The following FNDC7 variants were observed in gnomAD, a reference collection of about 807,000 sequenced individuals.
FNDC7 encodes fibronectin type III domain-containing protein 7.
FNDC7 carries 66 observed loss-of-function variants against 74.2 expected under a neutral mutation model. The ratio of observed to expected loss-of-function variants is 0.89; its 90% CI spans 0.73 to 1.09. The LOEUF is 1.09. Ranked by LOEUF, FNDC7 falls within the 50% of genes least tolerant of loss-of-function variation. FNDC7 has a pLI of 0.00. For missense variants in FNDC7, 829 were observed against 893.4 expected (o/e 0.93, Z 0.92); for synonymous variants, 307 against 330.2 (o/e 0.93, Z 0.76).
intron 11 of FNDC7, 47 bp from the exon 12 acceptor site, chr1:108,741,726 G>A (rs1287601075): frequency 6.3e-7 from 1 of 1,588,272 alleles, no homozygotes. Context: ...GAAAATGTCT[G>A]CATATTGAAT....
At chr1:108,732,432 C>CATTTAT (rs1661409058) in intron 9 of FNDC7, among the ~76,000 whole-genome samples, 1 of 151,970 alleles carries the variant, frequency 6.6e-6, no homozygotes, top group Admixed American at 6.6e-5. Flanking sequence ...TAAATGGCTG[C>CATTTAT]ACCTAAAGTG....
rs535280682 is a variant in FNDC7, at chr1:108,714,484, T to C, written c.82+955T>C. On this transcript the variant is annotated intron_variant, in intron 2 of 12. Coordinates refer to ENST00000370017, the MANE Select transcript of FNDC7 (RefSeq NM_001144937.3). ...TGAGCCCAGGATTTCAAGACCAGCC[T>C]GGGCAACATAGCAACACCCCACCTC... Among the ~76,000 whole-genome samples the C allele has an allele frequency of 3.2e-4, 48 of 152,190 alleles. 1 individual carries two copies. The highest frequency in any genetic ancestry group is 4.0e-4 in the Non-Finnish European group (27 of 68,034).
chr1:108,719,190 T>G, intron 4 of FNDC7, 141 bp downstream of exon 4: 1 of 927,968 alleles, frequency 1.1e-6, no homozygotes, highest in Non-Finnish European at 1.6e-6. Context: ...ATAAAGTTAT[T>G]TATAGTGCCT....
rs1661031678 is a variant in FNDC7 at position 108,718,841 on chromosome 1, T to C, written c.390T>C (p.Leu130=). The change falls in exon 4 of 13, where the codon CTT becomes CTC. Residue 130 remains leucine, a synonymous_variant. Coordinates refer to ENST00000370017, the MANE Select transcript of FNDC7 (RefSeq NM_001144937.3). Reference sequence around the variant, plus strand: ...GCTCTCCAAGTTCAGACTCCATTCTTGTGCAGTGGGAAGCTGTATATATGG... The same window carrying C: ...GCTCTCCAAGTTCAGACTCCATTCTCGTGCAGTGGGAAGCTGTATATATGG... ...EVSSPSSDSI[L]VQWEAVYMAI... The C allele has an allele frequency of 2.6e-6, 4 of 1,551,932 alleles. No individual in the cohort carries two copies. In the East Asian group the frequency reaches 7.3e-5, roughly 28 times the overall value.
chr1:108,730,511 C>T (rs1661318629), intron 8 of FNDC7, among the ~76,000 whole-genome samples, 163 bp from the exon 9 acceptor site: 1 of 151,910 alleles, frequency 6.6e-6, no homozygotes, highest in South Asian at 2.1e-4. Context: ...TTACATGACG[C>T]ATCAGAGGGA....
At position 108,728,706 on chromosome 1, in the gene FNDC7, A is replaced by G; in HGVS notation, c.1444A>G (p.Asn482Asp). 1 of 1,614,274 alleles carries G rather than the reference A, an allele frequency of 6.2e-7. No individual in the cohort carries two copies. The highest frequency in any genetic ancestry group is 8.5e-7 in the Non-Finnish European group (1 of 1,180,052). The change falls in exon 8 of 13, where the codon AAT becomes GAT. Residue 482 changes from asparagine to aspartate, a missense_variant. Transcript: ENST00000370017. ...GATTAATGTGCACTGGCGATCCACT[A>G]ATGATGATGCTACTTACACGGTGAC... ...SMINVHWRST[N>D]DDATYTVTAQ...
intron 11 of FNDC7, among the ~76,000 whole-genome samples, chr1:108,740,864 CAT>C (rs1661627855): frequency 6.6e-6 from 1 of 152,212 alleles, no homozygotes; most frequent in Admixed American, 6.5e-5. Flanking sequence ...AGTTTAAGCT[CAT>C]ATCACATTCT....
chr1:108,715,710 A>T (rs1291951618), intron 2 of FNDC7, among the ~76,000 whole-genome samples: 1 of 152,188 alleles, frequency 6.6e-6, no homozygotes, highest in Admixed American at 6.5e-5. Flanking sequence ...GTGCCCTAAC[A>T]TACATTATTT....
Position 108,722,333 on chromosome 1 carries a change from A to G in FNDC7, c.599-2A>G. On this transcript the variant is annotated splice_acceptor_variant, in intron 4 of 12. Coordinates refer to ENST00000370017, the MANE Select transcript of FNDC7 (RefSeq NM_001144937.3). LOFTEE classifies it high-confidence loss of function. ...AATCTTAATTGTTTCTCTAAAATGT[A>G]GGTCCTCGGGCCCCTGCCAACATTC... 4 of 1,587,976 alleles carry G rather than the reference A, an allele frequency of 2.5e-6. 1 individual carries two copies. The South Asian group carries it at 4.5e-5, about 18-fold the overall frequency.
chr1:108,715,397 T>A (rs1464137918), intron 2 of FNDC7, among the ~76,000 whole-genome samples: 1 of 152,182 alleles, frequency 6.6e-6, no homozygotes, highest in Non-Finnish European at 1.5e-5. Flanking sequence ...CTGCTGCTAT[T>A]TTATGGACTT....
chr1:108,713,968 G>T (rs1660924298), intron 2 of FNDC7, among the ~76,000 whole-genome samples: 1 of 152,238 alleles, frequency 6.6e-6, no homozygotes, highest in Admixed American at 6.5e-5. Flanking sequence ...ACTTTAAAAA[G>T]AACTTTATAC....
At chr1:108,732,927 A>G (rs1661424110) in intron 9 of FNDC7, among the ~76,000 whole-genome samples, 1 of 149,198 alleles carries the variant, frequency 6.7e-6, no homozygotes, top group Non-Finnish European at 1.5e-5. Flanking sequence ...CACCACCACA[A>G]CTGGCTAATT....
At chr1:108,719,854 C>T (rs774422305) in intron 4 of FNDC7, among the ~76,000 whole-genome samples, 2 of 152,100 alleles carry the variant, frequency 1.3e-5, no homozygotes, top group Non-Finnish European at 2.9e-5. Context: ...AGATAGGAGA[C>T]TCTCACCAAC....
intron 5 of FNDC7, among the ~76,000 whole-genome samples, chr1:108,723,519 G>T (rs1181268129): frequency 6.6e-6 from 1 of 152,104 alleles, no homozygotes; most frequent in Non-Finnish European, 1.5e-5. Context: ...ATTCTTTCAG[G>T]CCCGCACTCT....
At chr1:108,716,361 GT>G (rs1660976581) in intron 2 of FNDC7, among the ~76,000 whole-genome samples, 2 of 150,872 alleles carry the variant, frequency 1.3e-5, no homozygotes, top group African/African-American at 4.9e-5. Flanking sequence ...GTGTGTGTGT[GT>G]GTGTGTGTGT....
At chr1:108,738,946 G>T (rs1025708837) in intron 11 of FNDC7, among the ~76,000 whole-genome samples, 1 of 152,004 alleles carries the variant, frequency 6.6e-6, no homozygotes, top group Non-Finnish European at 1.5e-5. Context: ...CATACACCCT[G>T]GTCTTCAGTG....
intron 5 of FNDC7, 108 bp from the exon 6 acceptor site, chr1:108,725,642 C>A: frequency 8.2e-7 from 1 of 1,216,828 alleles, no homozygotes; most frequent in Non-Finnish European, 1.1e-6. Context: ...CAATCTGTCA[C>A]AAAGCTCAGA....
intron 6 of FNDC7, among the ~76,000 whole-genome samples, chr1:108,726,886 G>A (rs919281503): frequency 6.6e-6 from 1 of 152,198 alleles, no homozygotes; most frequent in Non-Finnish European, 1.5e-5. Context: ...CTATCGATAA[G>A]GTCCCGACAC....
At chr1:108,738,919 C>T (rs974279417) in intron 11 of FNDC7, among the ~76,000 whole-genome samples, 2 of 152,094 alleles carry the variant, frequency 1.3e-5, no homozygotes, top group African/African-American at 4.8e-5. Flanking sequence ...AAAAAAGTCT[C>T]CCAAAGTAGT....
Sources: gnomAD v4.1 joint callset for allele counts (sites outside exome capture counted in the v4.1 genomes callset) on GRCh38, gnomAD v4.1.1 for gene constraint, MANE v1.5 for transcripts, NCBI Gene and HGNC (gene_info 2026-07-23, HGNC 2026-07-21) for gene names.